SV2B: variants seen among roughly 807,000 people sequenced by gnomAD.
SV2B encodes the protein solute carrier family 22 member B2.
A neutral mutation model predicts 73.9 loss-of-function variants in SV2B; 41 were observed. The observed-to-expected ratio is 0.56, with a 90% CI of 0.43 to 0.72. SV2B has a LOEUF of 0.72. Ranked by LOEUF, SV2B falls within the 30% of genes least tolerant of loss-of-function variation. SV2B has a pLI of 0.00. For synonymous variants in SV2B, 314 were observed against 314.2 expected (o/e 1.00, Z 0.01); for missense variants, 764 against 857.8 (o/e 0.89, Z 1.37).
chr15:91,202,106 G>A (rs377471560), intron 1 of SV2B, among the ~76,000 whole-genome samples: 1 of 152,096 alleles, frequency 6.6e-6, no homozygotes, highest in Non-Finnish European at 1.5e-5. Context: ...CCTATCATGA[G>A]ATCTCTCCTC....
rs149002938 is a variant in SV2B at position 91,253,354 on chromosome 15, G to A, written c.784+834G>A. ...CAGACAGCTGCCCCTGAAGCTGACT[G>A]ATAGTTTACCACCTATTTATTGTCT... On this transcript the variant is annotated intron_variant, in intron 4 of 12. Coordinates refer to ENST00000394232, the MANE Select transcript of SV2B (RefSeq NM_001323032.3). The surrounding 1 kb of genome is among the most constrained non-coding windows in gnomAD (Gnocchi z 5.0). Among the ~76,000 whole-genome samples the A allele has an allele frequency of 9.5e-4, 144 of 152,306 alleles. No homozygotes were observed. Among genetic ancestry groups the A allele is most frequent in the African/African-American group, 3.3e-3 (138 of 41,568 alleles).
chr15:91,256,619 T>C (rs2047700255), intron 4 of SV2B, among the ~76,000 whole-genome samples: 1 of 152,198 alleles, frequency 6.6e-6, no homozygotes, highest in African/African-American at 2.4e-5. Flanking sequence ...AAAGGCTTTT[T>C]AATTAAAATT....
rs1183852399 is a variant in SV2B at position 91,197,799 on chromosome 15, C to T, written c.-391-28074C>T. On this transcript the variant is annotated intron_variant, in intron 1 of 12. Coordinates refer to ENST00000394232, the MANE Select transcript of SV2B (RefSeq NM_001323032.3). This position sits in a 1 kb window ranked among gnomAD's most constrained non-coding sequence, Gnocchi z 4.9. ...CTGTAATCCCAGCACTTTGGGAGGC[C>T]GAGATGGGTGGATCACCTGAGGTCA... is the stretch of plus-strand genomic sequence containing the variant. 2.0e-5 allele frequency among the ~76,000 whole-genome samples: 3 copies of T among 151,932 alleles called. No homozygotes were observed. Among genetic ancestry groups the T allele is most frequent in the Non-Finnish European group, 2.9e-5 (2 of 67,994 alleles).
chr15:91,112,848 G>T (rs895670524), intron 1 of SV2B, among the ~76,000 whole-genome samples: 3 of 152,114 alleles, frequency 2.0e-5, no homozygotes, highest in African/African-American at 7.2e-5. Flanking sequence ...ACAGGGTCTT[G>T]CTCTGCCACC....
rs186524355 is a variant in SV2B at position 91,267,327 on chromosome 15, C to T, written c.1120-228C>T. On this transcript the variant is annotated intron_variant, in intron 7 of 12. Transcript: ENST00000394232. This position sits in a 1 kb window ranked among gnomAD's most constrained non-coding sequence, Gnocchi z 4.3. ...TCACATTCATGGAATGCTGTGCTCC[C>T]GGGGAAAATCCTATTGGACTGTTAG... 3.9e-3 allele frequency among the ~76,000 whole-genome samples: 597 copies of T among 152,222 alleles called. 3 individuals are homozygous for T. The highest frequency in any genetic ancestry group is 0.013 in the African/African-American group (526 of 41,542).
intron 1 of SV2B, among the ~76,000 whole-genome samples, chr15:91,202,662 C>T (rs1052896665): frequency 6.6e-6 from 1 of 152,138 alleles, no homozygotes; most frequent in Non-Finnish European, 1.5e-5. Context: ...TGGATTAATG[C>T]TCTGGGGATC....
At chr15:91,250,639 A>G (rs913194934) in intron 2 of SV2B, among the ~76,000 whole-genome samples, 1 of 152,222 alleles carries the variant, frequency 6.6e-6, no homozygotes, top group Admixed American at 6.5e-5. Context: ...AGAAACCAAC[A>G]TAAAAATAGT....
In SV2B at chr15:91,122,164, T is replaced by C. The variant is rs184741514; in HGVS notation, c.-392+21801T>C. On this transcript the variant is annotated intron_variant, in intron 1 of 12. Coordinates refer to ENST00000394232, the MANE Select transcript of SV2B (RefSeq NM_001323032.3). The surrounding 1 kb of genome is among the most constrained non-coding windows in gnomAD (Gnocchi z 4.3). Reference sequence around the variant, plus strand: ...CCAATATGTGCTAAACCATCTCCTCTTTGGACTCCCACTATCTCAGCTACT... The same window carrying C: ...CCAATATGTGCTAAACCATCTCCTCCTTGGACTCCCACTATCTCAGCTACT... Among the ~76,000 whole-genome samples, 26 of 152,302 alleles carry C rather than the reference T, an allele frequency of 1.7e-4. No homozygotes were observed. The highest frequency in any genetic ancestry group is 3.4e-3 in the Middle Eastern group (1 of 294).
rs2048967894 is a variant in SV2B at position 91,289,453 on chromosome 15, C to T, written c.1709-68C>T. The T allele has an allele frequency of 6.2e-7, 1 of 1,603,624 alleles. No individual in the cohort carries two copies. Among genetic ancestry groups the T allele is most frequent in the Non-Finnish European group, 8.5e-7 (1 of 1,171,656 alleles). ...GTGAGGGTGGGAGATGGGGCAAGAA[C>T]TGTGAGTGACAGCCATGTGCAAGAC... On this transcript the variant is annotated intron_variant, in intron 11 of 12. Transcript: ENST00000394232. The surrounding 1 kb of genome is among the most constrained non-coding windows in gnomAD (Gnocchi z 4.9).
chr15:91,163,048 A>G (rs1423306369), intron 1 of SV2B, among the ~76,000 whole-genome samples: 1 of 152,148 alleles, frequency 6.6e-6, no homozygotes, highest in Non-Finnish European at 1.5e-5. Flanking sequence ...TTTGCTCAGA[A>G]TGATGGTTTC....
intron 1 of SV2B, among the ~76,000 whole-genome samples, chr15:91,163,744 CT>C (rs1468719965): frequency 6.6e-6 from 1 of 152,182 alleles, no homozygotes; most frequent in African/African-American, 2.4e-5. Flanking sequence ...GTTTCTTTTG[CT>C]GTGCAGAAGC....
chr15:91,154,645 G>A lies in SV2B; in HGVS notation c.-392+54282G>A, dbSNP rs141317122. 3.9e-3 allele frequency among the ~76,000 whole-genome samples: 595 copies of A among 152,212 alleles called. 2 individuals are homozygous for A. Among genetic ancestry groups the A allele is most frequent in the Non-Finnish European group, 6.4e-3 (437 of 68,014 alleles). ...AGAGTGGGCCCTATTCCAATGACTG[G>A]TGTCCTTATAAGAAAAGGAAAATTT... On this transcript the variant is annotated intron_variant, in intron 1 of 12. Transcript: ENST00000394232.
At position 91,105,650 on chromosome 15, in the gene SV2B, T is replaced by C. The variant is rs1421720542; in HGVS notation, c.-392+5287T>C. ...CTGATTTATGTTTTCCAAGGATCCC[T>C]TGAGCTTTAGAGCTTAGTGTAGACT... On this transcript the variant is annotated intron_variant, in intron 1 of 12. Transcript: ENST00000394232. The surrounding 1 kb of genome is among the most constrained non-coding windows in gnomAD (Gnocchi z 5.5). 6.6e-6 allele frequency among the ~76,000 whole-genome samples: 1 copy of C among 152,200 alleles called. No individual in the cohort carries two copies. Among genetic ancestry groups the C allele is most frequent in the Non-Finnish European group, 1.5e-5 (1 of 68,040 alleles).
At chr15:91,269,578 G>A (rs1038752988) in intron 9 of SV2B, among the ~76,000 whole-genome samples, 3 of 152,276 alleles carry the variant, frequency 2.0e-5, no homozygotes, top group Middle Eastern at 6.8e-3. Flanking sequence ...CCACATATGC[G>A]TCTGGTGTCT....
chr15:91,262,613 A>G (rs2047949490), intron 6 of SV2B, among the ~76,000 whole-genome samples: 1 of 149,038 alleles, frequency 6.7e-6, no homozygotes, highest in Non-Finnish European at 1.5e-5. Flanking sequence ...TCCTCCTCCC[A>G]CCCTCCACCC....
intron 9 of SV2B, among the ~76,000 whole-genome samples, chr15:91,271,944 G>A (rs1242763033): frequency 6.6e-6 from 1 of 152,158 alleles, no homozygotes; most frequent in East Asian, 1.9e-4. Flanking sequence ...ATTTTATTGA[G>A]TATCACGCAT....
chr15:91,178,168 G>C (rs1410496731), intron 1 of SV2B, among the ~76,000 whole-genome samples: 2 of 151,486 alleles, frequency 1.3e-5, no homozygotes, highest in African/African-American at 2.4e-5. Context: ...TTTTGTCTTT[G>C]GTTCTGTTTA....
At chr15:91,209,471 A>G (rs1425644705) in intron 1 of SV2B, among the ~76,000 whole-genome samples, 1 of 152,156 alleles carries the variant, frequency 6.6e-6, no homozygotes, top group Non-Finnish European at 1.5e-5. Flanking sequence ...TGTTGACATT[A>G]TTTGGAATCT....
At chr15:91,209,648 G>A (rs1445578436) in intron 1 of SV2B, among the ~76,000 whole-genome samples, 7 of 152,170 alleles carry the variant, frequency 4.6e-5, no homozygotes, top group Admixed American at 4.6e-4. Context: ...TGCAGAGACA[G>A]CCAGGTAGAG....
Sources: allele counts gnomAD v4.1 joint callset (sites outside exome capture counted in the v4.1 genomes callset), GRCh38; gene constraint gnomAD v4.1.1; non-coding constraint Gnocchi (gnomAD v3.1); transcripts MANE v1.5; gene names NCBI Gene and HGNC (gene_info 2026-07-23, HGNC 2026-07-21).